The following PTPRD variants were observed in gnomAD, a reference collection of about 807,000 sequenced individuals.
PTPRD encodes protein tyrosine phosphatase receptor type D.
A neutral mutation model predicts 214.5 loss-of-function variants in PTPRD; 34 were observed. That is an observed-to-expected ratio of 0.16 (90% CI 0.12 to 0.21). The LOEUF (loss-of-function observed/expected upper bound fraction) is 0.21. Ranked by LOEUF, PTPRD falls within the 10% of genes least tolerant of loss-of-function variation. The probability of loss-of-function intolerance (pLI) is 1.00; values close to 1 mark genes in which losing one functional copy is unlikely to be tolerated. For missense variants in PTPRD, 2,545 were observed against 2,398.7 expected, an observed-to-expected ratio of 1.06 and a Z score of -1.27; for synonymous variants, 1,128 against 845.7, an observed-to-expected ratio of 1.33 and a Z score of -5.79.
chr9:8,831,477 G>C (rs1045817636), intron 11 of PTPRD, among the ~76,000 whole-genome samples: 1 of 152,012 alleles, frequency 6.6e-6, no homozygotes, highest in Non-Finnish European at 1.5e-5. Flanking sequence ...TCAGAGACCA[G>C]ACTACACATT....
intron 9 of PTPRD, among the ~76,000 whole-genome samples, chr9:9,346,881 T>C (rs552241628): frequency 1.2e-4 from 19 of 152,060 alleles, no homozygotes; most frequent in African/African-American, 4.1e-4. Flanking sequence ...TCAGTGGAGA[T>C]AGGGTTTCAC....
chr9:9,548,405 C>CTTTTTTTTT (rs1157663823), intron 8 of PTPRD, among the ~76,000 whole-genome samples: 1 of 118,534 alleles, frequency 8.4e-6, no homozygotes, highest in Non-Finnish European at 1.7e-5. Context: ...GACTTTTTTT[C>CTTTTTTTTT]TTTTTTTTTT....
intron 8 of PTPRD, among the ~76,000 whole-genome samples, chr9:9,479,778 A>G (rs906584252): frequency 1.3e-5 from 2 of 152,020 alleles, no homozygotes; most frequent in African/African-American, 4.8e-5. Context: ...AAATTCCCCT[A>G]TTTGTCCTCT....
intron 2 of PTPRD, among the ~76,000 whole-genome samples, chr9:10,568,931 TTAAAC>T (rs1230862170): frequency 6.6e-6 from 1 of 152,032 alleles, no homozygotes; most frequent in Non-Finnish European, 1.5e-5. Context: ...TGGGATCTAA[TTAAAC>T]TAAAGAGCTT....
intron 39 of PTPRD, among the ~76,000 whole-genome samples, chr9:8,374,927 G>C (rs2082766329): frequency 6.6e-6 from 1 of 151,502 alleles, no homozygotes; most frequent in Non-Finnish European, 1.5e-5. Context: ...CCTTTTCTAG[G>C]GTCTACTGTA....
chr9:10,528,548 T>C (rs2055073022), intron 2 of PTPRD, among the ~76,000 whole-genome samples: 1 of 152,170 alleles, frequency 6.6e-6, no homozygotes, highest in Non-Finnish European at 1.5e-5. Context: ...ATACAAAATA[T>C]GACATTTGTA....
chr9:8,353,406 A>C (rs2076034572), intron 39 of PTPRD, among the ~76,000 whole-genome samples: 1 of 129,904 alleles, frequency 7.7e-6, no homozygotes, highest in Non-Finnish European at 1.8e-5. Flanking sequence ...ATGCCTATTT[A>C]TTTATTTATT....
rs561582015 is a variant in PTPRD at position 10,142,751 on chromosome 9, T to C, written c.-544-108961A>G. Among the ~76,000 whole-genome samples the C allele has an allele frequency of 1.5e-4, 22 of 149,052 alleles. No homozygotes were observed. In the South Asian group the frequency reaches 4.6e-3, roughly 31 times the overall value. On this transcript the variant is annotated intron_variant, in intron 3 of 45. Transcript: ENST00000381196. ...AGGGATCTGGAACTAGAAATACCAT[T>C]TGACCCAGCCATCCCATTACTGGGT...
intron 2 of PTPRD, among the ~76,000 whole-genome samples, chr9:10,434,040 T>A (rs1179689175): frequency 6.6e-6 from 1 of 151,984 alleles, no homozygotes; most frequent in African/African-American, 2.4e-5. Context: ...CATTTTAATC[T>A]GAATACTATA....
intron 11 of PTPRD, among the ~76,000 whole-genome samples, chr9:8,789,273 A>G (rs1329524826): frequency 1.3e-5 from 2 of 152,210 alleles, no homozygotes; most frequent in African/African-American, 2.4e-5. Context: ...TTTGCAGCAG[A>G]AGCCACCATA....
intron 10 of PTPRD, among the ~76,000 whole-genome samples, chr9:9,141,428 A>C (rs1308494948): frequency 6.6e-6 from 1 of 152,034 alleles, no homozygotes; most frequent in Non-Finnish European, 1.5e-5. Flanking sequence ...TACCTTGACC[A>C]CTTTAGAATG....
intron 8 of PTPRD, among the ~76,000 whole-genome samples, chr9:9,452,565 G>A (rs1254552231): frequency 6.6e-6 from 1 of 151,144 alleles, no homozygotes; most frequent in Non-Finnish European, 1.5e-5. Context: ...CTTAACTTAT[G>A]AGAAAGAGAG....
intron 34 of PTPRD, among the ~76,000 whole-genome samples, chr9:8,440,135 T>C (rs2095498989): frequency 6.6e-6 from 1 of 151,684 alleles, no homozygotes; most frequent in African/African-American, 2.4e-5. Flanking sequence ...TCAGGATTTA[T>C]GAGAATGAGA....
At chr9:10,297,893 G>C (rs1205552637) in intron 3 of PTPRD, among the ~76,000 whole-genome samples, 1 of 151,950 alleles carries the variant, frequency 6.6e-6, no homozygotes, top group Non-Finnish European at 1.5e-5. Flanking sequence ...CATTTCCAAG[G>C]CACCCTTCAT....
At chr9:8,827,447 A>C (rs2097198914) in intron 11 of PTPRD, among the ~76,000 whole-genome samples, 2 of 152,134 alleles carry the variant, frequency 1.3e-5, no homozygotes, top group Admixed American at 1.3e-4. Context: ...TCTCTACTAA[A>C]AATACAAAAA....
At chr9:10,548,734 C>G (rs907408762) in intron 2 of PTPRD, among the ~76,000 whole-genome samples, 1 of 35,542 alleles carries the variant, frequency 2.8e-5, no homozygotes, top group Non-Finnish European at 6.9e-5. Flanking sequence ...ACTAGATTAA[C>G]TTTGAGCAAC....
At chr9:8,972,331 A>T (rs966755368) in intron 11 of PTPRD, among the ~76,000 whole-genome samples, 1 of 151,984 alleles carries the variant, frequency 6.6e-6, no homozygotes, top group Admixed American at 6.6e-5. Flanking sequence ...CAAAAGAATG[A>T]CAAAAATATC....
intron 9 of PTPRD, among the ~76,000 whole-genome samples, chr9:9,380,309 G>C (rs2061841813): frequency 6.6e-6 from 1 of 151,904 alleles, no homozygotes; most frequent in African/African-American, 2.4e-5. Flanking sequence ...AAATTGTCTT[G>C]AGATTTCTTC....
At chr9:10,175,364 T>C (rs78188683) in intron 3 of PTPRD, among the ~76,000 whole-genome samples, 3,009 of 152,230 alleles carry the variant, frequency 0.02, 72 homozygotes, top group African/African-American at 0.045. Flanking sequence ...ATGATAGCTC[T>C]TATTATTTGA....
Sources: gnomAD v4.1 joint callset for allele counts (sites outside exome capture counted in the v4.1 genomes callset) on GRCh38, gnomAD v4.1.1 for gene constraint, MANE v1.5 for transcripts, NCBI Gene and HGNC (gene_info 2026-07-23, HGNC 2026-07-21) for gene names.